Variants in CTNNA3 observed in about 807,000 individuals in gnomAD.
CTNNA3 encodes the protein catenin alpha 3, also known as catenin alpha-3.
In CTNNA3, 76 loss-of-function variants were observed where a neutral mutation model predicts 95.7. That is an observed-to-expected ratio of 0.79 (90% CI 0.66 to 0.96). The LOEUF (loss-of-function observed/expected upper bound fraction) is 0.96, where lower values mean the gene tolerates loss of function less well. Among genes scored for constraint, CTNNA3 ranks in the 40% least tolerant of loss-of-function variants. CTNNA3 has a pLI of 0.00. For synonymous variants in CTNNA3, 431 were observed against 374.4 expected (o/e 1.15, Z -1.74); for missense variants, 1,191 against 1,089.8 (o/e 1.09, Z -1.31).
intron 7 of CTNNA3, among the ~76,000 whole-genome samples, chr10:67,022,178 A>G (rs1853061190): frequency 6.6e-6 from 1 of 152,212 alleles, no homozygotes. Flanking sequence ...AGAGAAGACA[A>G]CTTTGGAAAG....
chr10:66,807,163 T>C (rs1396021883), intron 7 of CTNNA3, among the ~76,000 whole-genome samples: 1 of 152,028 alleles, frequency 6.6e-6, no homozygotes, highest in Non-Finnish European at 1.5e-5. Context: ...TCTCTGAGTT[T>C]TGGGTGCGCA....
chr10:66,409,683 T>A (rs1234956868), intron 11 of CTNNA3, among the ~76,000 whole-genome samples: 1 of 152,142 alleles, frequency 6.6e-6, no homozygotes, highest in Non-Finnish European at 1.5e-5. Flanking sequence ...CTAGCTGAAA[T>A]TACTAAAGAG....
At chr10:67,650,937 C>T (rs1049418645) in intron 1 of CTNNA3, among the ~76,000 whole-genome samples, 1 of 152,088 alleles carries the variant, frequency 6.6e-6, no homozygotes, top group Non-Finnish European at 1.5e-5. Flanking sequence ...CTCCTCCCTA[C>T]AGTAACACAT....
chr10:67,033,834 G>A (rs1853879122), intron 7 of CTNNA3, among the ~76,000 whole-genome samples: 1 of 151,950 alleles, frequency 6.6e-6, no homozygotes, highest in Non-Finnish European at 1.5e-5. Flanking sequence ...GCAGTGGTGC[G>A]ATCTCAGCTC....
At chr10:66,415,212 C>T (rs1285728702) in intron 11 of CTNNA3, among the ~76,000 whole-genome samples, 1 of 152,094 alleles carries the variant, frequency 6.6e-6, no homozygotes, top group Admixed American at 6.6e-5. Context: ...CCCAGGTTTC[C>T]CCATCATCCC....
intron 5 of CTNNA3, among the ~76,000 whole-genome samples, chr10:67,478,761 T>C (rs1479285351): frequency 6.6e-6 from 1 of 151,146 alleles, no homozygotes; most frequent in Non-Finnish European, 1.5e-5. Context: ...TTTGATAGGA[T>C]CAAAACCTCA....
rs111813362 is a variant in CTNNA3 at position 66,763,991 on chromosome 10, T to G, written c.1281+2273A>C. ...CAGCTCTTCCCAGTCAACCCATAGA[T>G]TAGTGAGAGATAACAAATAGTTGCT... On this transcript the variant is annotated intron_variant, in intron 9 of 17. Coordinates refer to ENST00000433211, the MANE Select transcript of CTNNA3 (RefSeq NM_013266.4). Among the ~76,000 whole-genome samples the G allele has an allele frequency of 1.3e-3, 197 of 152,228 alleles. 1 individual carries two copies. Among genetic ancestry groups the G allele is most frequent in the African/African-American group, 4.6e-3 (190 of 41,544 alleles).
In CTNNA3 at chr10:66,641,542, T is replaced by A. The variant is rs539142937; in HGVS notation, c.1282-19758A>T. 5.3e-5 allele frequency among the ~76,000 whole-genome samples: 8 copies of A among 152,298 alleles called. No homozygotes were observed. The East Asian group carries it at 1.5e-3, about 29-fold the overall frequency. On this transcript the variant is annotated intron_variant, in intron 9 of 17. Transcript: ENST00000433211. The stretch of plus-strand genomic sequence containing the variant: ...TGCACCATTAGATGACAGGAACAGC[T>A]GTGTGTTATCTTTGTTATTTGATCT...
intron 1 of CTNNA3, among the ~76,000 whole-genome samples, chr10:67,687,816 G>T (rs905832709): frequency 7.2e-5 from 11 of 152,122 alleles, no homozygotes; most frequent in Non-Finnish European, 1.5e-4. Flanking sequence ...GGACATCATT[G>T]AATAATTCAC....
chr10:67,661,114 C>CATGTAT (rs534191478), intron 1 of CTNNA3, among the ~76,000 whole-genome samples: 1 of 151,858 alleles, frequency 6.6e-6, no homozygotes, highest in South Asian at 2.1e-4. Context: ...ATATGCAATA[C>CATGTAT]ATGTATATGT....
rs569234818 is a variant in CTNNA3 at position 66,052,907 on chromosome 10, C to T, written c.2159+16401G>A. On this transcript the variant is annotated intron_variant, in intron 15 of 17. Coordinates refer to ENST00000433211, the MANE Select transcript of CTNNA3 (RefSeq NM_013266.4). Reference sequence around the variant, plus strand: ...TGACGAGGTTGAGGATAAGGTATTACAATTTTTTTTGGAGAGAGACAGAAG... The same window carrying T: ...TGACGAGGTTGAGGATAAGGTATTATAATTTTTTTTGGAGAGAGACAGAAG... 2.6e-5 allele frequency among the ~76,000 whole-genome samples: 4 copies of T among 152,036 alleles called. No individual in the cohort carries two copies. In the South Asian group the frequency reaches 8.3e-4, roughly 32 times the overall value.
intron 9 of CTNNA3, among the ~76,000 whole-genome samples, chr10:66,658,497 G>T (rs567734465): frequency 2.6e-4 from 39 of 152,276 alleles, no homozygotes; most frequent in African/African-American, 8.9e-4. Context: ...TTCTGCCTCA[G>T]TGAAAATATA....
chr10:67,341,497 C>T (rs1842189432), intron 5 of CTNNA3, among the ~76,000 whole-genome samples: 1 of 152,116 alleles, frequency 6.6e-6, no homozygotes, highest in Non-Finnish European at 1.5e-5. Flanking sequence ...ATCTCCAGTT[C>T]CATCCATGTG....
intron 5 of CTNNA3, among the ~76,000 whole-genome samples, chr10:67,231,794 A>C (rs1275895663): frequency 6.6e-6 from 1 of 152,198 alleles, no homozygotes; most frequent in Non-Finnish European, 1.5e-5. Context: ...AACCACAAGA[A>C]CCAATACAGA....
chr10:66,972,052 T>A (rs1400288444), intron 7 of CTNNA3, among the ~76,000 whole-genome samples: 1 of 152,304 alleles, frequency 6.6e-6, no homozygotes, highest in African/African-American at 2.4e-5. Context: ...ACAGTCTTTA[T>A]AATATCTTGA....
intron 9 of CTNNA3, among the ~76,000 whole-genome samples, chr10:66,687,372 G>A (rs1340195750): frequency 1.3e-5 from 2 of 151,950 alleles, no homozygotes; most frequent in African/African-American, 2.4e-5. Flanking sequence ...TCTTCTCAGC[G>A]AATTTCATTG....
At chr10:66,888,958 G>A (rs1429717294) in intron 7 of CTNNA3, among the ~76,000 whole-genome samples, 2 of 152,160 alleles carry the variant, frequency 1.3e-5, no homozygotes, top group Admixed American at 1.3e-4. Context: ...CCAAAATCTG[G>A]AAGCAACCAA....
chr10:67,568,998 C>T (rs973664996), intron 3 of CTNNA3, among the ~76,000 whole-genome samples: 1 of 152,132 alleles, frequency 6.6e-6, no homozygotes, highest in Non-Finnish European at 1.5e-5. Context: ...AGACGCAGTT[C>T]GTTCTTCATT....
At chr10:66,817,429 A>G (rs1252633099) in intron 7 of CTNNA3, among the ~76,000 whole-genome samples, 1 of 152,002 alleles carries the variant, frequency 6.6e-6, no homozygotes, top group Non-Finnish European at 1.5e-5. Context: ...AGACTGGCCA[A>G]CAACAAAAAA....
Sources: gnomAD v4.1 joint callset for allele counts (sites outside exome capture counted in the v4.1 genomes callset) on GRCh38, gnomAD v4.1.1 for gene constraint, MANE v1.5 for transcripts, NCBI Gene and HGNC (gene_info 2026-07-23, HGNC 2026-07-21) for gene names.